FABP12: variants seen among roughly 807,000 people sequenced by gnomAD.
FABP12 encodes the protein fatty acid binding protein 12.
Under a neutral mutation model 13.7 loss-of-function variants are expected in FABP12, and 19 were observed. The ratio of observed to expected loss-of-function variants is 1.39; its 90% CI spans 0.97 to 2.04. The LOEUF is 2.04. Ranked by LOEUF, FABP12 falls within the 30% of genes most tolerant of loss-of-function variation. The pLI, the probability that FABP12 is intolerant of heterozygous loss-of-function variation, is 0.00. For synonymous variants in FABP12, 61 were observed against 57.0 expected, an observed-to-expected ratio of 1.07 and a Z score of -0.32; for missense variants, 182 against 164.2, an observed-to-expected ratio of 1.11 and a Z score of -0.59.
intron 1 of FABP12, among the ~76,000 whole-genome samples, chr8:81,550,936 C>T (rs1809513953): frequency 6.6e-6 from 1 of 152,090 alleles, no homozygotes; most frequent in African/African-American, 2.4e-5. Context: ...TTTGTATGGC[C>T]AGACAACTCT....
At chr8:81,554,570 CT>C (rs1809575438) in intron 1 of FABP12, among the ~76,000 whole-genome samples, 1 of 152,144 alleles carries the variant, frequency 6.6e-6, no homozygotes, top group African/African-American at 2.4e-5. Context: ...CCACATTCTA[CT>C]TGTGTAGGAG....
At chr8:81,545,335 TAGAG>T (rs1329943403) in intron 1 of FABP12, among the ~76,000 whole-genome samples, 1 of 152,206 alleles carries the variant, frequency 6.6e-6, no homozygotes, top group Non-Finnish European at 1.5e-5. Context: ...TTTTTTCAAA[TAGAG>T]AGGGACATGA....
At chr8:81,577,606 A>G (rs1810072254) in intron 1 of FABP12, among the ~76,000 whole-genome samples, 2 of 152,030 alleles carry the variant, frequency 1.3e-5, no homozygotes, top group Non-Finnish European at 2.9e-5. Context: ...TAAAAACACA[A>G]AAAAATTAGC....
intron 1 of FABP12, among the ~76,000 whole-genome samples, chr8:81,571,866 A>C (rs1234626321): frequency 6.6e-6 from 1 of 152,226 alleles, no homozygotes; most frequent in Non-Finnish European, 1.5e-5. Context: ...ACTTCCTCCA[A>C]TTCTTGAGTC....
chr8:81,561,146 A>C (rs1809717599), intron 1 of FABP12, among the ~76,000 whole-genome samples: 1 of 152,214 alleles, frequency 6.6e-6, no homozygotes, highest in South Asian at 2.1e-4. Context: ...ATTTTTGGTC[A>C]CTGTGAGAGC....
chr8:81,528,714 G>T (rs932824194), intron 3 of FABP12, among the ~76,000 whole-genome samples: 20 of 152,084 alleles, frequency 1.3e-4, no homozygotes, highest in Admixed American at 3.3e-4. Context: ...AATACGTGTA[G>T]AAGTAAATTA....
intron 1 of FABP12, among the ~76,000 whole-genome samples, chr8:81,561,071 C>T (rs1368003895): frequency 3.3e-5 from 5 of 152,138 alleles, no homozygotes; most frequent in Admixed American, 6.5e-5. Flanking sequence ...TTCTCTTTTC[C>T]CAGCCCCTAG....
intron 4 of FABP12, among the ~76,000 whole-genome samples, chr8:81,525,530 ATAG>A (rs1233989522): frequency 5.0e-4 from 67 of 134,580 alleles, no homozygotes; most frequent in Admixed American, 1.8e-3. Context: ...AAAAAAAAAA[ATAG>A]ATAGATAGAT....
chr8:81,578,953 G>A (rs536928390), intron 1 of FABP12, among the ~76,000 whole-genome samples: 147 of 147,432 alleles, frequency 1.0e-3, no homozygotes, highest in African/African-American at 3.4e-3. Flanking sequence ...CTCAGCCTCC[G>A]GAGTAGCTGG....
intron 1 of FABP12, among the ~76,000 whole-genome samples, chr8:81,569,734 T>C (rs1474421513): frequency 3.9e-5 from 6 of 152,228 alleles, no homozygotes; most frequent in Non-Finnish European, 1.5e-5. Context: ...TTTACCCTTG[T>C]TGTTAAACAA....
chr8:81,552,770 A>G (rs1809541917), intron 1 of FABP12, among the ~76,000 whole-genome samples: 1 of 152,170 alleles, frequency 6.6e-6, no homozygotes, highest in African/African-American at 2.4e-5. Context: ...GAATATTTGA[A>G]GAATTGATTG....
At chr8:81,560,380 A>C (rs1482408013) in intron 1 of FABP12, among the ~76,000 whole-genome samples, 1 of 152,230 alleles carries the variant, frequency 6.6e-6, no homozygotes, top group Non-Finnish European at 1.5e-5. Context: ...ATTGAAGGAA[A>C]AATTTAAATG....
At chr8:81,560,082 T>C (rs188228077) in intron 1 of FABP12, among the ~76,000 whole-genome samples, 154 of 152,332 alleles carry the variant, frequency 1.0e-3, no homozygotes, top group African/African-American at 3.7e-3. Flanking sequence ...TAAAAGTATT[T>C]CCCAACAGAA....
intron 1 of FABP12, among the ~76,000 whole-genome samples, chr8:81,532,628 C>T (rs557982051): frequency 2.6e-5 from 4 of 152,238 alleles, no homozygotes; most frequent in East Asian, 1.9e-4. Flanking sequence ...CAAGATCAGC[C>T]GGGCCAATAT....
chr8:81,571,093 AG>A (rs1468182674), intron 1 of FABP12, among the ~76,000 whole-genome samples: 1 of 152,154 alleles, frequency 6.6e-6, no homozygotes, highest in African/African-American at 2.4e-5. Context: ...TGGGTGGCCA[AG>A]GTCTGGAGGA....
intron 1 of FABP12, among the ~76,000 whole-genome samples, chr8:81,556,794 A>G (rs1024981335): frequency 1.7e-4 from 25 of 147,668 alleles, no homozygotes; most frequent in Non-Finnish European, 2.7e-4. Flanking sequence ...ATACATATAT[A>G]TATGGTGCTT....
chr8:81,533,767 A>G (rs1010930043), intron 1 of FABP12, among the ~76,000 whole-genome samples, 35 bp downstream of exon 1: 14 of 152,156 alleles, frequency 9.2e-5, no homozygotes, highest in African/African-American at 2.9e-4. Flanking sequence ...GTGGTGGGTG[A>G]CATGGGGATC....
intron 1 of FABP12, among the ~76,000 whole-genome samples, chr8:81,550,792 A>G (rs1222959795): frequency 2.0e-5 from 3 of 152,174 alleles, no homozygotes; most frequent in Non-Finnish European, 4.4e-5. Context: ...CTCACAGAAA[A>G]TTATAAAGTT....
intron 1 of FABP12, among the ~76,000 whole-genome samples, chr8:81,574,897 C>A (rs1281422764): frequency 1.3e-5 from 2 of 150,980 alleles, no homozygotes; most frequent in East Asian, 1.9e-4. Flanking sequence ...TTTAAAGAAC[C>A]AGCTTTTTGT....
Sources: gnomAD v4.1 joint callset for allele counts (sites outside exome capture counted in the v4.1 genomes callset) on GRCh38, gnomAD v4.1.1 for gene constraint, MANE v1.5 for transcripts, NCBI Gene and HGNC (gene_info 2026-07-23, HGNC 2026-07-21) for gene names.